Variants in XKR6 observed in about 807,000 individuals in gnomAD.
XKR6 encodes the protein XK-related protein 6.
A neutral mutation model predicts 56.7 loss-of-function variants in XKR6; 22 were observed. The observed-to-expected ratio is 0.39, with a 90% CI of 0.28 to 0.55. XKR6 has a LOEUF of 0.55. XKR6 is among the 20% of genes least tolerant of loss of function. XKR6 has a pLI of 0.66. For missense variants in XKR6, 852 were observed against 889.0 expected, an observed-to-expected ratio of 0.96 and a Z score of 0.53; for synonymous variants, 524 against 387.8, an observed-to-expected ratio of 1.35 and a Z score of -4.13.
At chr8:11,045,452 G>T (rs1158057832) in intron 1 of XKR6, among the ~76,000 whole-genome samples, 1 of 152,164 alleles carries the variant, frequency 6.6e-6, no homozygotes, top group African/African-American at 2.4e-5. Context: ...AATGCCAGAG[G>T]GGAGGATGGG....
At chr8:11,120,959 G>A (rs2129183476) in intron 1 of XKR6, among the ~76,000 whole-genome samples, 1 of 152,296 alleles carries the variant, frequency 6.6e-6, no homozygotes, top group African/African-American at 2.4e-5. Context: ...TTTAATAAAT[G>A]GTGCTGGGAA....
At chr8:11,018,739 C>T (rs1798682495) in intron 1 of XKR6, among the ~76,000 whole-genome samples, 1 of 152,180 alleles carries the variant, frequency 6.6e-6, no homozygotes, top group African/African-American at 2.4e-5. Flanking sequence ...GAAACATGGT[C>T]CATTAAGCTC....
chr8:11,122,909 C>T (rs1237835898), intron 1 of XKR6, among the ~76,000 whole-genome samples: 8 of 152,184 alleles, frequency 5.3e-5, no homozygotes, highest in Non-Finnish European at 8.8e-5. Context: ...AACAAGCTCA[C>T]TAACACAATA....
At chr8:10,904,386 C>T (rs1261012711) in intron 2 of XKR6, among the ~76,000 whole-genome samples, 1 of 152,118 alleles carries the variant, frequency 6.6e-6, no homozygotes, top group Admixed American at 6.5e-5. Context: ...AATGGAACGG[C>T]CACATCTTAT....
intron 1 of XKR6, among the ~76,000 whole-genome samples, chr8:11,006,143 T>G (rs1798363739): frequency 6.6e-6 from 1 of 152,086 alleles, no homozygotes; most frequent in African/African-American, 2.4e-5. Context: ...TGTGACTGAC[T>G]AAAAATTTTT....
intron 1 of XKR6, among the ~76,000 whole-genome samples, chr8:11,136,640 T>C (rs1277361555): frequency 1.3e-5 from 2 of 152,112 alleles, no homozygotes; most frequent in Admixed American, 6.6e-5. Context: ...ACCCTATCAG[T>C]AGAGACAAGA....
intron 1 of XKR6, among the ~76,000 whole-genome samples, chr8:11,182,871 C>T (rs535158561): frequency 4.3e-4 from 65 of 152,180 alleles, no homozygotes; most frequent in Non-Finnish European, 8.7e-4. Context: ...AGTAACTCCA[C>T]GTATCCCCTC....
intron 1 of XKR6, among the ~76,000 whole-genome samples, chr8:10,930,599 C>T (rs888608352): frequency 1.3e-5 from 2 of 152,102 alleles, no homozygotes; most frequent in African/African-American, 2.4e-5. Context: ...AACAATGTAC[C>T]AGAACCAACT....
chr8:10,986,586 A>C (rs1041461317), intron 1 of XKR6, among the ~76,000 whole-genome samples: 10 of 152,206 alleles, frequency 6.6e-5, no homozygotes, highest in Non-Finnish European at 8.8e-5. Context: ...GCAAGAAAAA[A>C]GTGTGTGGGA....
intron 2 of XKR6, among the ~76,000 whole-genome samples, chr8:10,913,854 G>C (rs573040483): frequency 8.5e-5 from 13 of 152,222 alleles, no homozygotes; most frequent in Non-Finnish European, 1.9e-4. Flanking sequence ...GTGTGGAAAA[G>C]GATGGGGTCC....
At chr8:11,070,422 G>C (rs190791437) in intron 1 of XKR6, among the ~76,000 whole-genome samples, 65 of 152,304 alleles carry the variant, frequency 4.3e-4, no homozygotes, top group African/African-American at 1.3e-3. Context: ...GAAACTTTGA[G>C]GGTTTAGGAC....
At chr8:11,189,258 C>T (rs977977648) in intron 1 of XKR6, among the ~76,000 whole-genome samples, 2 of 152,140 alleles carry the variant, frequency 1.3e-5, no homozygotes, top group East Asian at 1.9e-4. Flanking sequence ...TAATAAAATG[C>T]CTCTAACCTG....
rs189528387 is a variant in XKR6 at position 11,076,984 on chromosome 8, T to A, written c.764+123592A>T. The stretch of plus-strand genomic sequence containing the variant: ...TGAGCCCAGGTGTTTGAGACAAGCC[T>A]AGGAAGCACAGTGAGACCCCATCTC... On this transcript the variant is annotated intron_variant, in intron 1 of 2. Coordinates refer to ENST00000416569, the MANE Select transcript of XKR6 (RefSeq NM_173683.4). Among the ~76,000 whole-genome samples the A allele has an allele frequency of 2.0e-5, 3 of 152,088 alleles. 1 individual carries two copies. In the South Asian group the frequency reaches 6.2e-4, roughly 32 times the overall value.
intron 1 of XKR6, among the ~76,000 whole-genome samples, chr8:11,189,124 T>C (rs1024566528): frequency 6.6e-6 from 1 of 152,206 alleles, no homozygotes; most frequent in South Asian, 2.1e-4. Context: ...TATTAGGTCA[T>C]GTCTCCTCTT....
At chr8:11,134,023 C>T (rs1163069100) in intron 1 of XKR6, among the ~76,000 whole-genome samples, 1 of 152,174 alleles carries the variant, frequency 6.6e-6, no homozygotes, top group East Asian at 1.9e-4. Flanking sequence ...CTAATGCATC[C>T]TTCAGGCCCA....
intron 1 of XKR6, among the ~76,000 whole-genome samples, chr8:11,084,533 A>G (rs944136983): frequency 6.6e-6 from 1 of 152,204 alleles, no homozygotes; most frequent in Non-Finnish European, 1.5e-5. Flanking sequence ...AGCACTTCAT[A>G]TTTACATAGC....
chr8:10,958,269 T>C (rs914592609), intron 1 of XKR6, among the ~76,000 whole-genome samples: 6 of 152,386 alleles, frequency 3.9e-5, no homozygotes, highest in Middle Eastern at 3.4e-3. Flanking sequence ...CTGTGTGCCA[T>C]CTGTGAAGAG....
At chr8:11,110,847 T>A (rs544664435) in intron 1 of XKR6, among the ~76,000 whole-genome samples, 1 of 152,076 alleles carries the variant, frequency 6.6e-6, no homozygotes, top group African/African-American at 2.4e-5. Flanking sequence ...CTTTCCTTTT[T>A]TTTTTTTGAG....
At chr8:10,909,478 A>G (rs968175025) in intron 2 of XKR6, among the ~76,000 whole-genome samples, 14 of 152,146 alleles carry the variant, frequency 9.2e-5, no homozygotes, top group Non-Finnish European at 4.4e-5. Context: ...TATTTCTACT[A>G]TGTTCCATGG....
Sources: gnomAD v4.1 joint callset for allele counts (sites outside exome capture counted in the v4.1 genomes callset) on GRCh38, gnomAD v4.1.1 for gene constraint, MANE v1.5 for transcripts, NCBI Gene and HGNC (gene_info 2026-07-23, HGNC 2026-07-21) for gene names.